The following WDR64 variants were observed in gnomAD, a reference collection of about 807,000 sequenced individuals.
WDR64 encodes WD repeat domain 64, also known as WD repeat-containing protein 64.
In WDR64, 112 loss-of-function variants were observed where a neutral mutation model predicts 139.3. The ratio of observed to expected loss-of-function variants is 0.80; its 90% confidence interval spans 0.69 to 0.94. The LOEUF (loss-of-function observed/expected upper bound fraction) is 0.94. Ranked by LOEUF, WDR64 falls within the 40% of genes least tolerant of loss-of-function variation. WDR64 has a pLI of 0.00. For synonymous variants in WDR64, 444 were observed against 437.7 expected (o/e 1.01, Z -0.18); for missense variants, 1,206 against 1,293.1 (o/e 0.93, Z 1.03).
In WDR64 at chr1:241,796,169, C is replaced by T. The variant is rs958436084; in HGVS notation, c.3079-88C>T. On this transcript the variant is annotated intron_variant, in intron 26 of 27. Transcript: ENST00000437684. ...GGGTGTGTATTTTGAAGCAGCTGGG[C>T]CTTCTCACTCCTCATCCCAACTCCT... 7 of 723,816 alleles carry T rather than the reference C, an allele frequency of 9.7e-6. No homozygotes were observed. The African/African-American group carries it at 1.3e-4, about 13-fold the overall frequency. The allele number at this position is 723,816 out of a possible 1,614,324, so 44.8% of individuals were successfully genotyped here. A position where few individuals can be genotyped will look rare whatever the true frequency, so the allele number is the denominator to read the frequency against.
chr1:241,741,475 TC>T (rs770395239), intron 11 of WDR64, 40 bp from the exon 12 acceptor site: 3 of 1,555,616 alleles, frequency 1.9e-6, no homozygotes, highest in Non-Finnish European at 2.6e-6. Flanking sequence ...ATTAGAAACT[TC>T]TAATATTGCA....
intron 23 of WDR64, 110 bp from the exon 24 acceptor site, chr1:241,787,739 A>G (rs1659090182): frequency 4.3e-6 from 4 of 937,338 alleles, no homozygotes. Flanking sequence ...AACCCAAGTA[A>G]AAAAATCCTT....
intron 4 of WDR64, among the ~76,000 whole-genome samples, chr1:241,675,031 CCCT>C (rs1245563451): frequency 3.9e-5 from 1 of 25,334 alleles, no homozygotes; most frequent in Non-Finnish European, 1.0e-4. Flanking sequence ...TTCCTTCCCT[CCCT>C]CCTTCTTCTT....
rs1281491547 is a variant in WDR64, at chr1:241,687,572, C to T, written c.951C>T (p.Ser317=). 7 of 1,613,260 alleles carry T rather than the reference C, an allele frequency of 4.3e-6. No homozygotes were observed. Among genetic ancestry groups the T allele is most frequent in the Non-Finnish European group, 5.1e-6 (6 of 1,179,574 alleles). The change falls in exon 8 of 28, where the codon TCC becomes TCT. Residue 317 remains serine (S), a synonymous_variant. Coordinates refer to ENST00000437684, the MANE Select transcript of WDR64 (RefSeq NM_001367482.1). ...LDSNHSLVLE[S]LKRLEDNLPV... is the part of the protein sequence containing the mutation. Reference sequence around the variant, plus strand: ...GTAATCATTCATTAGTTTTGGAATCCTTGAAGAGACTCGAGGATAATTTGT... The same window carrying T: ...GTAATCATTCATTAGTTTTGGAATCTTTGAAGAGACTCGAGGATAATTTGT...
chr1:241,671,223 T>C, intron 3 of WDR64, 47 bp downstream of exon 3: 1 of 1,261,200 alleles, frequency 7.9e-7, no homozygotes, highest in Non-Finnish European at 1.1e-6. Flanking sequence ...TTTTAATATT[T>C]TCCTCAAGAA....
chr1:241,666,229 G>A (rs552584500), intron 2 of WDR64, among the ~76,000 whole-genome samples: 2 of 152,148 alleles, frequency 1.3e-5, no homozygotes, highest in African/African-American at 4.8e-5. Context: ...TGAAAAGGTC[G>A]AAAGAGAAAT....
chr1:241,795,324 A>G, intron 26 of WDR64, 37 bp downstream of exon 26: 3 of 1,563,394 alleles, frequency 1.9e-6, no homozygotes, highest in Non-Finnish European at 2.6e-6. Context: ...GGGTCACAGA[A>G]CAGTAGAGAA....
intron 8 of WDR64, among the ~76,000 whole-genome samples, chr1:241,696,937 TC>T (rs1406641087): frequency 6.6e-6 from 1 of 152,192 alleles, no homozygotes; most frequent in African/African-American, 2.4e-5. Flanking sequence ...ATGGATTTGC[TC>T]TGGTTCAAAT....
chr1:241,750,982 TATTA>T (rs1669957778), intron 14 of WDR64, among the ~76,000 whole-genome samples: 1 of 152,218 alleles, frequency 6.6e-6, no homozygotes, highest in Non-Finnish European at 1.5e-5. Context: ...TACTTATTAT[TATTA>T]GTGTATTACT....
intron 10 of WDR64, among the ~76,000 whole-genome samples, chr1:241,736,838 C>G (rs1303478086): frequency 6.6e-6 from 1 of 152,172 alleles, no homozygotes; most frequent in Non-Finnish European, 1.5e-5. Flanking sequence ...AACAAGAAAA[C>G]TGAGACTCAA....
At chr1:241,758,107 C>G (rs1394183838) in intron 15 of WDR64, among the ~76,000 whole-genome samples, 1 of 152,136 alleles carries the variant, frequency 6.6e-6, no homozygotes, top group Non-Finnish European at 1.5e-5. Context: ...AGAAACTGGA[C>G]AGTTGACGCC....
intron 23 of WDR64, among the ~76,000 whole-genome samples, chr1:241,783,976 A>C (rs907725721): frequency 1.3e-5 from 2 of 152,252 alleles, no homozygotes; most frequent in Non-Finnish European, 2.9e-5. Context: ...TTATCCGCTT[A>C]AAAGAATGAA....
chr1:241,707,902 A>G (rs1668014540), intron 8 of WDR64, among the ~76,000 whole-genome samples: 1 of 152,262 alleles, frequency 6.6e-6, no homozygotes, highest in African/African-American at 2.4e-5. Context: ...TTAGCAACAG[A>G]ACACAGCCAG....
chr1:241,704,977 A>G (rs537459365), intron 8 of WDR64, among the ~76,000 whole-genome samples: 5 of 152,310 alleles, frequency 3.3e-5, no homozygotes, highest in South Asian at 2.1e-4. Flanking sequence ...TTGTGGGCCA[A>G]TGGGGGAATG....
chr1:241,772,624 G>A (rs1658504574), intron 19 of WDR64, among the ~76,000 whole-genome samples, 168 bp from the exon 20 acceptor site: 1 of 151,380 alleles, frequency 6.6e-6, no homozygotes, highest in Non-Finnish European at 1.5e-5. Context: ...CACCACACCT[G>A]GCTAATTTTT....
At chr1:241,791,126 A>G (rs1422683006) in intron 25 of WDR64, among the ~76,000 whole-genome samples, 2 of 2,354 alleles carry the variant, frequency 8.5e-4, no homozygotes, top group East Asian at 0.2. Context: ...ATCTCTATTA[A>G]AAGTAAAAAA....
intron 13 of WDR64, among the ~76,000 whole-genome samples, chr1:241,748,117 G>C (rs1258001245): frequency 4.6e-5 from 7 of 152,158 alleles, no homozygotes; most frequent in Non-Finnish European, 2.9e-5. Context: ...CCGTCTTACC[G>C]ACAAAGCAAA....
chr1:241,729,558 T>C (rs1414688053), intron 10 of WDR64, among the ~76,000 whole-genome samples: 1 of 152,224 alleles, frequency 6.6e-6, no homozygotes, highest in Non-Finnish European at 1.5e-5. Context: ...AAAGGCTTTG[T>C]GCATTCCCGT....
intron 3 of WDR64, 76 bp from the exon 4 acceptor site, chr1:241,674,568 T>A (rs1278966075): frequency 1.5e-5 from 15 of 979,062 alleles, no homozygotes; most frequent in East Asian, 5.7e-5. Flanking sequence ...TATCATTTTT[T>A]AAAAAAACAA....
Sources: allele counts gnomAD v4.1 joint callset (sites outside exome capture counted in the v4.1 genomes callset), GRCh38; gene constraint gnomAD v4.1.1; transcripts MANE v1.5; gene names NCBI Gene and HGNC (gene_info 2026-07-23, HGNC 2026-07-21).